The following PREX1 variants were observed in gnomAD, a reference collection of about 807,000 sequenced individuals.
PREX1 encodes phosphatidylinositol-3,4,5-trisphosphate dependent Rac exchange factor 1, also known as phosphatidylinositol 3,4,5-trisphosphate-dependent Rac exchanger 1 protein.
In PREX1, 41 loss-of-function variants were observed where a neutral mutation model predicts 198.3. That is an observed-to-expected ratio of 0.21 (90% confidence interval 0.16 to 0.27). The LOEUF (loss-of-function observed/expected upper bound fraction) is 0.27. Ranked by LOEUF, PREX1 falls within the 10% of genes least tolerant of loss-of-function variation. The pLI, the probability that PREX1 is intolerant of heterozygous loss-of-function variation, is 1.00. For missense variants in PREX1, 1,620 were observed against 2,200.7 expected (o/e 0.74, Z 5.28); for synonymous variants, 843 against 887.2 (o/e 0.95, Z 0.89).
chr20:48,886,622 G>A, the PREX1 span, among the ~76,000 whole-genome samples: 1 of 152,146 alleles, frequency 6.6e-6, no homozygotes, highest in Non-Finnish European at 1.5e-5. Flanking sequence ...GTTCCCAAAG[G>A]GACAAAGGCG....
intron 1 of PREX1, among the ~76,000 whole-genome samples, chr20:48,805,526 G>A (rs550738406): frequency 9.2e-5 from 14 of 152,226 alleles, no homozygotes; most frequent in Non-Finnish European, 1.9e-4. Flanking sequence ...GTCTTGGCCC[G>A]AAGTGTTGTG....
At chr20:48,696,875 G>C (rs908565591) in intron 7 of PREX1, among the ~76,000 whole-genome samples, 1 of 151,852 alleles carries the variant, frequency 6.6e-6, no homozygotes, top group Admixed American at 6.6e-5. Flanking sequence ...CCAATCCTAG[G>C]ATCAGAACGA....
chr20:48,879,019 G>A, the PREX1 span, among the ~76,000 whole-genome samples: 1 of 152,194 alleles, frequency 6.6e-6, no homozygotes, highest in African/African-American at 2.4e-5. Flanking sequence ...GGAAAACTGA[G>A]TTCCGGTGAC....
At chr20:48,795,571 A>G (rs985026839) in intron 1 of PREX1, among the ~76,000 whole-genome samples, 5 of 152,234 alleles carry the variant, frequency 3.3e-5, no homozygotes, top group African/African-American at 1.2e-4. Flanking sequence ...CAAAGCCCCA[A>G]ATGTCACTAG....
chr20:48,841,110 G>A, the PREX1 span, among the ~76,000 whole-genome samples: 13 of 152,042 alleles, frequency 8.6e-5, no homozygotes, highest in Middle Eastern at 3.4e-3. Context: ...TTGCAGATAC[G>A]GGGTTTCACT....
chr20:48,881,924 A>T, the PREX1 span, among the ~76,000 whole-genome samples: 1 of 64,334 alleles, frequency 1.6e-5, no homozygotes, highest in East Asian at 4.4e-4. Flanking sequence ...CCCCACCCCC[A>T]CCCCCAGCCC....
In PREX1 at chr20:48,629,500, C is replaced by T; in HGVS notation, c.4715G>A (p.Cys1572Tyr). 1 of 1,614,088 alleles carries T rather than the reference C, an allele frequency of 6.2e-7. No homozygotes were observed. The highest frequency in any genetic ancestry group is 8.5e-7 in the Non-Finnish European group (1 of 1,179,936). ...AGLIPISSEL[C>Y]YRLGACQMVM... ...CATCTGGCAGGCCCCCAGGCGGTAG[C>T]AGAGCTCCGAGGAGATGGGGATGAG... Residue 1572 changes from cysteine to tyrosine, a missense_variant, in exon 37 of 40, where the codon TGC (cysteine) becomes TAC (tyrosine). Transcript: ENST00000371941.
intron 5 of PREX1, among the ~76,000 whole-genome samples, chr20:48,709,598 G>A (rs970965688): frequency 2.6e-5 from 4 of 152,194 alleles, no homozygotes; most frequent in East Asian, 1.9e-4. Context: ...ACAGATGGGC[G>A]GACTGAGGCA....
the PREX1 span, among the ~76,000 whole-genome samples, chr20:48,883,626 A>G: frequency 6.6e-6 from 1 of 152,124 alleles, no homozygotes. Context: ...AATTAAGCAA[A>G]CAATTCATTT....
intron 1 of PREX1, among the ~76,000 whole-genome samples, chr20:48,753,928 T>C (rs1042408849): frequency 6.6e-6 from 1 of 152,228 alleles, no homozygotes; most frequent in Admixed American, 6.5e-5. Context: ...CAATTAAGTA[T>C]GGATAGGTTT....
intron 14 of PREX1, among the ~76,000 whole-genome samples, chr20:48,675,970 G>A (rs967178833): frequency 1.3e-5 from 2 of 151,980 alleles, no homozygotes; most frequent in Non-Finnish European, 1.5e-5. Flanking sequence ...CTGGGAGGCG[G>A]AGGTTGCAGT....
At chr20:48,862,807 A>ATATATATATATATATATATGTGTGTG in the PREX1 span, among the ~76,000 whole-genome samples, 108 of 126,514 alleles carry the variant, frequency 8.5e-4, no homozygotes, top group Middle Eastern at 3.8e-3. Context: ...ATATATATAT[A>ATATATATATATATATATATGTGTGTG]TATATACTAA....
intron 16 of PREX1, 144 bp downstream of exon 16, chr20:48,659,775 A>G: frequency 8.9e-7 from 1 of 1,125,704 alleles, no homozygotes; most frequent in Non-Finnish European, 1.3e-6. Flanking sequence ...TTCTTGGCAG[A>G]GTTGCCCCCT....
intron 13 of PREX1, among the ~76,000 whole-genome samples, chr20:48,679,096 C>T (rs1269593433): frequency 6.6e-6 from 1 of 152,210 alleles, no homozygotes; most frequent in Non-Finnish European, 1.5e-5. Flanking sequence ...AGTAACTCTG[C>T]CCAAGGTCAC....
intron 1 of PREX1, among the ~76,000 whole-genome samples, chr20:48,800,416 T>G (rs1052183188): frequency 4.6e-5 from 7 of 152,192 alleles, no homozygotes; most frequent in Non-Finnish European, 1.0e-4. Context: ...GTCACTCTAT[T>G]TACCACTTGA....
chr20:48,664,591 C>T (rs974524543), intron 15 of PREX1, among the ~76,000 whole-genome samples: 1 of 152,194 alleles, frequency 6.6e-6, no homozygotes, highest in African/African-American at 2.4e-5. Flanking sequence ...AAAATGGCAC[C>T]TTGGCGGGGG....
chr20:48,802,549 C>T (rs1473836795), intron 1 of PREX1, among the ~76,000 whole-genome samples: 1 of 152,242 alleles, frequency 6.6e-6, no homozygotes, highest in Non-Finnish European at 1.5e-5. Flanking sequence ...AGATCCAAAA[C>T]AGCCCCCGAC....
intron 33 of PREX1, among the ~76,000 whole-genome samples, 190 bp downstream of exon 33, chr20:48,634,486 T>C (rs536997626): frequency 6.6e-6 from 1 of 152,306 alleles, no homozygotes; most frequent in East Asian, 1.9e-4. Context: ...AAACCCCTCT[T>C]TTTCCATGTG....
At chr20:48,696,417 C>G (rs563448561) in intron 7 of PREX1, among the ~76,000 whole-genome samples, 13 of 152,236 alleles carry the variant, frequency 8.5e-5, no homozygotes, top group Admixed American at 1.3e-4. Flanking sequence ...ACTCACTATT[C>G]GATTCCATTA....
Sources: gnomAD v4.1 joint callset for allele counts (sites outside exome capture counted in the v4.1 genomes callset) on GRCh38, gnomAD v4.1.1 for gene constraint, MANE v1.5 for transcripts, NCBI Gene and HGNC (gene_info 2026-07-23, HGNC 2026-07-21) for gene names.